PLS1: variants seen among roughly 807,000 people sequenced by gnomAD.
PLS1 encodes the protein plastin-1.
PLS1 carries 32 observed loss-of-function variants against 73.7 expected under a neutral mutation model. The ratio of observed to expected loss-of-function variants is 0.43; its 90% CI spans 0.33 to 0.58. PLS1 has a LOEUF of 0.58. Among genes scored for constraint, PLS1 ranks in the 20% least tolerant of loss-of-function variants. The pLI, the probability that PLS1 is intolerant of heterozygous loss-of-function variation, is 0.04. For synonymous variants in PLS1, 217 were observed against 261.3 expected (o/e 0.83, Z 1.63); for missense variants, 633 against 740.5 (o/e 0.85, Z 1.68).
intron 12 of PLS1, among the ~76,000 whole-genome samples, chr3:142,702,857 A>C (rs925863839): frequency 2.0e-5 from 3 of 152,208 alleles, no homozygotes; most frequent in African/African-American, 7.2e-5. Context: ...CATTGTGCTG[A>C]GAGTGGGGAC....
intron 11 of PLS1, among the ~76,000 whole-genome samples, chr3:142,694,880 C>T (rs1196250042): frequency 3.3e-5 from 5 of 152,026 alleles, no homozygotes. Flanking sequence ...TTTATTATGT[C>T]ATTTTTCATT....
chr3:142,644,290 G>A (rs566197777), intron 1 of PLS1, among the ~76,000 whole-genome samples: 3 of 150,594 alleles, frequency 2.0e-5, no homozygotes, highest in South Asian at 2.1e-4. Flanking sequence ...TCACTCTGTC[G>A]CCCAAGCTGG....
rs1173378610 is a variant in PLS1, at chr3:142,678,443, C to T, written c.579+330C>T. The stretch of plus-strand genomic sequence containing the variant: ...CCCCCTCCCCCCACCCCACAACAGT[C>T]CCCAGAGTGTGATGTTCCCCTTCCT... On this transcript the variant is annotated intron_variant, in intron 6 of 15. Transcript: ENST00000457734. Among the ~76,000 whole-genome samples, 8 of 123,554 alleles carry T rather than the reference C, an allele frequency of 6.5e-5. No homozygotes were observed. In the East Asian group the frequency reaches 1.8e-3, roughly 27 times the overall value. 81.1% of individuals were successfully genotyped at this position (123,554 alleles called of 152,430 possible).
At chr3:142,700,888 A>C (rs1263953120) in intron 12 of PLS1, among the ~76,000 whole-genome samples, 1 of 152,172 alleles carries the variant, frequency 6.6e-6, no homozygotes, top group African/African-American at 2.4e-5. Flanking sequence ...AATAAGACTT[A>C]AGAGATCTGA....
At chr3:142,651,432 G>A (rs1284264862) in intron 1 of PLS1, among the ~76,000 whole-genome samples, 5 of 141,194 alleles carry the variant, frequency 3.5e-5, no homozygotes, top group South Asian at 2.2e-4. Flanking sequence ...ATTGCACTCC[G>A]GCCTGGATGA....
In PLS1 at chr3:142,711,899, C is replaced by T. The variant is rs376466830; in HGVS notation, c.1782C>T (p.Ile594=). The T allele has an allele frequency of 1.8e-5, 29 of 1,613,534 alleles. 1 individual carries two copies. Among genetic ancestry groups the T allele is most frequent in the Admixed American group, 1.0e-4 (6 of 60,016 alleles). ...ACGCCATTTCAGTTGCTCGAAAGATCGGTGCCCGGATATATGCATTACCTG... is the reference window on the plus strand; with the variant it reads ...ACGCCATTTCAGTTGCTCGAAAGATTGGTGCCCGGATATATGCATTACCTG... The part of the protein sequence containing the change: ...AKYAISVARK[I]GARIYALPDD... Residue 594 remains isoleucine (I), a synonymous_variant, in exon 16 of 16, where the codon ATC becomes ATT. Coordinates refer to ENST00000457734, the MANE Select transcript of PLS1 (RefSeq NM_001145319.2).
intron 1 of PLS1, among the ~76,000 whole-genome samples, chr3:142,642,142 C>T (rs1186576366): frequency 6.6e-6 from 1 of 152,044 alleles, no homozygotes; most frequent in African/African-American, 2.4e-5. Context: ...CTCTGTCTAA[C>T]CTGTCTTTTT....
intron 1 of PLS1, among the ~76,000 whole-genome samples, chr3:142,618,706 G>A (rs1042087130): frequency 2.0e-5 from 3 of 152,072 alleles, no homozygotes; most frequent in Non-Finnish European, 2.9e-5. Context: ...AGCGACAGTC[G>A]GTAAAGCCCC....
intron 1 of PLS1, among the ~76,000 whole-genome samples, chr3:142,624,228 T>G (rs1356797294): frequency 6.6e-6 from 1 of 152,212 alleles, no homozygotes. Context: ...TACCAAAATG[T>G]ACTTGGGGAT....
At chr3:142,650,366 C>T (rs886980336) in intron 1 of PLS1, among the ~76,000 whole-genome samples, 1 of 151,724 alleles carries the variant, frequency 6.6e-6, no homozygotes, top group African/African-American at 2.4e-5. Flanking sequence ...CTACAGGTGC[C>T]TACCCCCATG....
chr3:142,599,690 A>G lies in PLS1; in HGVS notation c.-37+3181A>G, dbSNP rs144074397. Among the ~76,000 whole-genome samples the G allele has an allele frequency of 4.2e-3, 632 of 152,190 alleles. 12 individuals carry two copies. The highest frequency in any genetic ancestry group is 0.015 in the African/African-American group (612 of 41,542). On this transcript the variant is annotated intron_variant, in intron 1 of 15. Transcript: ENST00000457734. ...GAAGCTCTGTTCAAATTTCCTCATT[A>G]CTAGACCCAAGCTCTTTTCATTAAC...
intron 10 of PLS1, among the ~76,000 whole-genome samples, chr3:142,690,213 TAC>T (rs1160469511): frequency 2.0e-5 from 3 of 152,214 alleles, no homozygotes; most frequent in Non-Finnish European, 4.4e-5. Context: ...TGAAAAAAAT[TAC>T]AGTGTTCGTT....
Position 142,689,559 on chromosome 3 carries a change from C to G in PLS1, c.982-59C>G, listed in dbSNP as rs1025718870. The G allele has an allele frequency of 4.2e-6, 4 of 946,050 alleles. No individual in the cohort carries two copies. In the African/African-American group the frequency reaches 6.8e-5, roughly 16 times the overall value. The allele number at this position is 946,050 out of a possible 1,614,324, so 58.6% of individuals were successfully genotyped here. ...AAGTAATTGCTTATAAACATGTATA[C>G]CAATAAAAATTATGCCAATTAAAAC... On this transcript the variant is annotated intron_variant, in intron 9 of 15. Coordinates refer to ENST00000457734, the MANE Select transcript of PLS1 (RefSeq NM_001145319.2).
chr3:142,631,666 A>G (rs1333427947), intron 1 of PLS1, among the ~76,000 whole-genome samples: 2 of 132,460 alleles, frequency 1.5e-5, no homozygotes, highest in Non-Finnish European at 3.0e-5. Context: ...TGTCTCTAGA[A>G]AAAAAAAAAA....
At chr3:142,621,717 A>G (rs954601922) in intron 1 of PLS1, among the ~76,000 whole-genome samples, 7 of 152,230 alleles carry the variant, frequency 4.6e-5, no homozygotes, top group Admixed American at 2.0e-4. Flanking sequence ...TTAATGCTGC[A>G]TATTGCTTTT....
At chr3:142,604,794 G>A (rs1262120132) in intron 1 of PLS1, among the ~76,000 whole-genome samples, 1 of 152,046 alleles carries the variant, frequency 6.6e-6, no homozygotes, top group African/African-American at 2.4e-5. Context: ...AATTAGCCAG[G>A]CGTGGTGGTG....
At chr3:142,697,552 T>A (rs1440386779) in intron 11 of PLS1, among the ~76,000 whole-genome samples, 2 of 152,156 alleles carry the variant, frequency 1.3e-5, no homozygotes, top group African/African-American at 4.8e-5. Context: ...TGAGATCAAA[T>A]TGTATGAAGT....
intron 12 of PLS1, among the ~76,000 whole-genome samples, chr3:142,703,587 C>T (rs1478198977): frequency 6.6e-6 from 1 of 152,154 alleles, no homozygotes; most frequent in Admixed American, 6.5e-5. Context: ...TAAGCGACCA[C>T]GCCCGGCCTG....
At position 142,630,938 on chromosome 3, in the gene PLS1, AACACACAC is replaced by A. The variant is rs140962182; in HGVS notation, c.-36-33236_-36-33229del. On this transcript the variant is annotated intron_variant, in intron 1 of 15. Coordinates refer to ENST00000457734, the MANE Select transcript of PLS1 (RefSeq NM_001145319.2). The stretch of plus-strand genomic sequence containing the variant: ...GAACAGAATAGAGAGCATGTAAATA[AACACACAC>A]ACACACACACACACACACACACACA... Among the ~76,000 whole-genome samples the A allele has an allele frequency of 5.5e-4, 76 of 137,456 alleles. No homozygotes were observed. In the East Asian group the frequency reaches 0.013, roughly 23 times the overall value. The allele number at this position is 137,456 out of a possible 152,430, so 90.2% of individuals were successfully genotyped here.
Sources: gnomAD v4.1 joint callset for allele counts (sites outside exome capture counted in the v4.1 genomes callset) on GRCh38, gnomAD v4.1.1 for gene constraint, MANE v1.5 for transcripts, NCBI Gene and HGNC (gene_info 2026-07-23, HGNC 2026-07-21) for gene names.